WIPF3: variants seen among roughly 807,000 people sequenced by gnomAD.
The protein encoded by WIPF3 is WAS/WASL interacting protein family member 3.
A neutral mutation model predicts 38.9 loss-of-function variants in WIPF3; 33 were observed. The ratio of observed to expected loss-of-function variants is 0.85; its 90% CI spans 0.64 to 1.14. The LOEUF is 1.14. WIPF3 is among the 50% of genes most tolerant of loss of function. The pLI is 0.00. For missense variants in WIPF3, 711 were observed against 652.5 expected, an observed-to-expected ratio of 1.09 and a Z score of -0.98; for synonymous variants, 324 against 269.3, an observed-to-expected ratio of 1.20 and a Z score of -1.99.
At chr7:29,855,059 G>A (rs535436825) in intron 2 of WIPF3, among the ~76,000 whole-genome samples, 3 of 152,322 alleles carry the variant, frequency 2.0e-5, no homozygotes, top group Admixed American at 6.5e-5. Context: ...CTTAGCAAGC[G>A]TGTGCAGAAA....
intron 4 of WIPF3, among the ~76,000 whole-genome samples, chr7:29,883,428 G>A (rs1290150062): frequency 1.3e-5 from 2 of 152,238 alleles, no homozygotes; most frequent in Non-Finnish European, 2.9e-5. Context: ...CTAGCCAGGA[G>A]TGCTGGTTGG....
chr7:29,813,758 G>A (rs548915261), intron 1 of WIPF3, among the ~76,000 whole-genome samples: 7 of 152,018 alleles, frequency 4.6e-5, no homozygotes, highest in East Asian at 1.9e-4. Context: ...TGCAACCATC[G>A]CCATTATTTA....
At chr7:29,863,836 G>C (rs1415351256) in intron 2 of WIPF3, among the ~76,000 whole-genome samples, 1 of 152,052 alleles carries the variant, frequency 6.6e-6, no homozygotes, top group East Asian at 1.9e-4. Flanking sequence ...CATATTTTAA[G>C]GTATTTTTAA....
chr7:29,887,003 G>A (rs545609192), intron 5 of WIPF3, among the ~76,000 whole-genome samples: 138 of 152,288 alleles, frequency 9.1e-4, no homozygotes, highest in Middle Eastern at 3.4e-3. Flanking sequence ...AGACCAGAAA[G>A]GGAGAGGAAG....
At chr7:29,813,201 T>C (rs1253051198) in intron 1 of WIPF3, among the ~76,000 whole-genome samples, 1 of 152,204 alleles carries the variant, frequency 6.6e-6, no homozygotes, top group African/African-American at 2.4e-5. Flanking sequence ...TACTCTGATT[T>C]AAATAAATAC....
chr7:29,913,144 C>G (rs946037620), intron 8 of WIPF3, among the ~76,000 whole-genome samples: 1 of 152,042 alleles, frequency 6.6e-6, no homozygotes, highest in African/African-American at 2.4e-5. Flanking sequence ...GTTGGGAGTT[C>G]GAGACCAGCC....
rs1039097232 is a variant in WIPF3 at position 29,883,968 on chromosome 7, G to A, written c.474G>A (p.Ala158=). ...CCAGGCTAGGCAATACCTCCGAGGCGCATGGCGCTGCCAGGACAGCCCCGC... is the reference window on the plus strand; with the variant it reads ...CCAGGCTAGGCAATACCTCCGAGGCACATGGCGCTGCCAGGACAGCCCCGC... The part of the protein sequence containing the change: ...ASPRLGNTSE[A]HGAARTAPPR... Residue 158 remains alanine (A), a synonymous_variant, in exon 5 of 9, where the codon GCG becomes GCA. Coordinates refer to ENST00000242140, the MANE Select transcript of WIPF3 (RefSeq NM_001080529.3). The A allele has an allele frequency of 1.3e-6, 2 of 1,545,060 alleles. No individual in the cohort carries two copies. Among genetic ancestry groups the A allele is most frequent in the Non-Finnish European group, 1.7e-6 (2 of 1,144,004 alleles).
intron 1 of WIPF3, 103 bp from the exon 2 acceptor site, chr7:29,834,565 G>A (rs1478277018): frequency 9.3e-7 from 1 of 1,073,626 alleles, no homozygotes; most frequent in Non-Finnish European, 1.2e-6. Flanking sequence ...ATGAACAGGT[G>A]AAAGAATCAA....
At chr7:29,901,354 GTCC>G in intron 7 of WIPF3, among the ~76,000 whole-genome samples, 1 of 147,252 alleles carries the variant, frequency 6.8e-6, no homozygotes, top group African/African-American at 2.5e-5. Context: ...CCCTGACTAA[GTCC>G]CGGCCACTCA....
At chr7:29,818,613 T>C (rs1366792055) in intron 1 of WIPF3, among the ~76,000 whole-genome samples, 1 of 150,812 alleles carries the variant, frequency 6.6e-6, no homozygotes, top group Non-Finnish European at 1.5e-5. Context: ...CTGTTAGGTT[T>C]TCCATATATA....
intron 8 of WIPF3, among the ~76,000 whole-genome samples, chr7:29,913,751 A>G (rs1055986331): frequency 2.0e-5 from 3 of 152,218 alleles, no homozygotes; most frequent in Non-Finnish European, 2.9e-5. Flanking sequence ...CCTCTTGTTC[A>G]GTGCTTCTTC....
chr7:29,875,293 G>T (rs1056897091), intron 2 of WIPF3, among the ~76,000 whole-genome samples: 2 of 152,138 alleles, frequency 1.3e-5, no homozygotes, highest in African/African-American at 4.8e-5. Context: ...AATGGGCCCA[G>T]CATGAGCCAC....
At chr7:29,822,122 A>AG (rs1491408673) in intron 1 of WIPF3, among the ~76,000 whole-genome samples, 45 of 39,316 alleles carry the variant, frequency 1.1e-3, no homozygotes, top group Non-Finnish European at 2.2e-3. Context: ...CTTTTTTCTT[A>AG]GTTTTTTTTT....
chr7:29,864,517 A>G (rs1042487925), intron 2 of WIPF3, among the ~76,000 whole-genome samples: 1 of 152,210 alleles, frequency 6.6e-6, no homozygotes, highest in African/African-American at 2.4e-5. Flanking sequence ...AAAGTTGAAA[A>G]TCTCTGAAAG....
intron 5 of WIPF3, among the ~76,000 whole-genome samples, chr7:29,884,981 A>C (rs1785842060): frequency 6.6e-6 from 1 of 152,156 alleles, no homozygotes; most frequent in Admixed American, 6.5e-5. Flanking sequence ...TCCAACTCCC[A>C]ATCTCCTCCC....
chr7:29,904,624 A>C (rs1786356176), intron 8 of WIPF3: 1 of 433,822 alleles, frequency 2.3e-6, no homozygotes, highest in South Asian at 3.7e-5. Context: ...ATTCTGCAAC[A>C]ATCATGCCAA....
intron 2 of WIPF3, among the ~76,000 whole-genome samples, chr7:29,858,792 G>A (rs1174114336): frequency 2.6e-5 from 4 of 152,144 alleles, no homozygotes; most frequent in Non-Finnish European, 5.9e-5. Flanking sequence ...TACAAAGAGT[G>A]TCATTAAGGA....
intron 2 of WIPF3, among the ~76,000 whole-genome samples, chr7:29,841,706 G>C (rs1190348982): frequency 6.6e-6 from 1 of 152,160 alleles, no homozygotes; most frequent in Non-Finnish European, 1.5e-5. Context: ...CAGCTACTTA[G>C]GAGGCTGAGG....
At chr7:29,904,469 C>T in intron 8 of WIPF3, 107 bp downstream of exon 8, 1 of 1,143,722 alleles carries the variant, frequency 8.7e-7, no homozygotes, top group South Asian at 1.3e-5. Context: ...TTTTTCCTCA[C>T]ACTCCTTTTC....
Sources: allele counts gnomAD v4.1 joint callset (sites outside exome capture counted in the v4.1 genomes callset), GRCh38; gene constraint gnomAD v4.1.1; transcripts MANE v1.5; gene names NCBI Gene and HGNC (gene_info 2026-07-23, HGNC 2026-07-21).